The following TRAM1 variants were observed in gnomAD, a reference collection of about 807,000 sequenced individuals.
TRAM1 encodes the protein translocating chain-associated membrane protein 1.
Under a neutral mutation model 48.7 loss-of-function variants are expected in TRAM1, and 17 were observed. The ratio of observed to expected loss-of-function variants is 0.35; its 90% CI spans 0.24 to 0.52. The LOEUF is 0.52. Ranked by LOEUF, TRAM1 falls within the 20% of genes least tolerant of loss-of-function variation. The pLI is 0.94. For synonymous variants in TRAM1, 182 were observed against 154.0 expected, an observed-to-expected ratio of 1.18 and a Z score of -1.34; for missense variants, 351 against 441.5, an observed-to-expected ratio of 0.79 and a Z score of 1.84.
intron 10 of TRAM1, among the ~76,000 whole-genome samples, chr8:70,578,867 C>T (rs112076584): frequency 0.012 from 1,888 of 152,286 alleles, 24 homozygotes; most frequent in Non-Finnish European, 0.02. Context: ...AAAGGGAATT[C>T]AGCGAAAGTG....
chr8:70,583,350 T>C, intron 9 of TRAM1, 26 bp from the exon 10 acceptor site: 1 of 1,603,766 alleles, frequency 6.2e-7, no homozygotes, highest in Non-Finnish European at 8.5e-7. Context: ...ACATAAAAAG[T>C]TAGTGTATAA....
At chr8:70,596,404 AT>A in intron 4 of TRAM1, 83 bp from the exon 5 acceptor site, 1 of 1,048,678 alleles carries the variant, frequency 9.5e-7, no homozygotes, top group Non-Finnish European at 1.4e-6. Context: ...TTTCTCAAAC[AT>A]TTACAGGTCC....
At chr8:70,588,935 C>T (rs943704919) in intron 6 of TRAM1, among the ~76,000 whole-genome samples, 12 of 152,212 alleles carry the variant, frequency 7.9e-5, no homozygotes, top group Admixed American at 7.8e-4. Context: ...GCAGGCTGAA[C>T]TGTGTTCCTC....
chr8:70,573,435 A>C lies in TRAM1; in HGVS notation c.*1497T>G, dbSNP rs947896635. On this transcript the variant is annotated 3_prime_UTR_variant, in exon 11 of 11. Transcript: ENST00000262213. ...ACCAACAATGACAGAAACATCCAGG[A>C]TACAACTTGTGAAAGTAAAAATTTT... is the stretch of plus-strand genomic sequence containing the variant. 3 of 152,662 alleles carry C rather than the reference A, an allele frequency of 2.0e-5. No individual in the cohort carries two copies. The highest frequency in any genetic ancestry group is 4.4e-5 in the Non-Finnish European group (3 of 68,042). The allele number at this position is 152,662 out of a possible 1,614,324, so 9.5% of individuals were successfully genotyped here. A position where few individuals can be genotyped will look rare whatever the true frequency, so the allele number is the denominator to read the frequency against.
intron 8 of TRAM1, among the ~76,000 whole-genome samples, chr8:70,584,753 C>A (rs1400483771): frequency 1.3e-5 from 2 of 152,018 alleles, no homozygotes; most frequent in African/African-American, 4.8e-5. Flanking sequence ...AGGAGAACTA[C>A]AAACCACTGC....
chr8:70,606,935 CATCTT>C (rs140141023), intron 1 of TRAM1: 84,938 of 981,694 alleles, frequency 0.087, 4,203 homozygotes, highest in Non-Finnish European at 0.097. Flanking sequence ...TAACGTCGCT[CATCTT>C]TTTTTAAGCA....
At chr8:70,597,618 C>A (rs1412552433) in intron 4 of TRAM1, among the ~76,000 whole-genome samples, 3 of 124,226 alleles carry the variant, frequency 2.4e-5, no homozygotes, top group Admixed American at 1.0e-4. Context: ...TGCAGTGAGC[C>A]GAGATCATGC....
chr8:70,607,536 G>A (rs1817768236), intron 1 of TRAM1: 1 of 971,856 alleles, frequency 1.0e-6, no homozygotes, highest in Non-Finnish European at 1.2e-6. Flanking sequence ...CCCAATCTCG[G>A]AGCTACCGGG....
intron 6 of TRAM1, among the ~76,000 whole-genome samples, chr8:70,588,965 T>C (rs1390961749): frequency 6.6e-6 from 1 of 152,216 alleles, no homozygotes; most frequent in African/African-American, 2.4e-5. Flanking sequence ...ACTAAACTTA[T>C]CTCTTGCATT....
At chr8:70,585,129 A>G (rs1454422748) in intron 8 of TRAM1, among the ~76,000 whole-genome samples, 2 of 152,238 alleles carry the variant, frequency 1.3e-5, no homozygotes, top group African/African-American at 4.8e-5. Flanking sequence ...AATGCTGCAT[A>G]TCTACAACCA....
At chr8:70,576,037 C>T (rs1027684990) in intron 10 of TRAM1, among the ~76,000 whole-genome samples, 7 of 144,542 alleles carry the variant, frequency 4.8e-5, no homozygotes, top group Admixed American at 3.5e-4. Flanking sequence ...CGCCACTGCA[C>T]TCCAGCGTGG....
rs559537570 is a variant in TRAM1 at position 70,588,401 on chromosome 8, C to CAG, written c.571-1227_571-1226dup. 5.3e-5 allele frequency among the ~76,000 whole-genome samples: 8 copies of CAG among 152,160 alleles called. No individual in the cohort carries two copies. In the South Asian group the frequency reaches 1.7e-3, roughly 32 times the overall value. On this transcript the variant is annotated intron_variant, in intron 6 of 10. Transcript: ENST00000262213. ...AGGCGTTTGAGTCTAGCCTGGGCAACAGAGAGAGACCCCATCTCTACAAAA... is the reference window on the plus strand; with the variant it reads ...AGGCGTTTGAGTCTAGCCTGGGCAACAGAGAGAGAGACCCCATCTCTACAAAA...
At chr8:70,604,550 A>G (rs1817679377) in intron 1 of TRAM1, among the ~76,000 whole-genome samples, 1 of 152,148 alleles carries the variant, frequency 6.6e-6, no homozygotes, top group Non-Finnish European at 1.5e-5. Flanking sequence ...GTAGTTCACA[A>G]GTGTGATGAT....
At position 70,590,202 on chromosome 8, in the gene TRAM1, ATT is replaced by A. The variant is rs565882371; in HGVS notation, c.571-3028_571-3027del. 1.4e-3 allele frequency among the ~76,000 whole-genome samples: 197 copies of A among 145,510 alleles called. 1 individual carries two copies. The highest frequency in any genetic ancestry group is 4.6e-3 in the African/African-American group (182 of 39,986). On this transcript the variant is annotated intron_variant, in intron 6 of 10. Transcript: ENST00000262213. ...TAATGTAATGTAACTACTTAGGAGG[ATT>A]TTTTTTTTTTTAATTTAAAAGAAAT...
chr8:70,603,353 C>CT (rs1817650418), intron 1 of TRAM1, among the ~76,000 whole-genome samples: 1 of 151,592 alleles, frequency 6.6e-6, no homozygotes, highest in African/African-American at 2.4e-5. Context: ...TACACACAAA[C>CT]ACTCCACATC....
chr8:70,589,943 T>C (rs1817314715), intron 6 of TRAM1, among the ~76,000 whole-genome samples: 1 of 152,192 alleles, frequency 6.6e-6, no homozygotes, highest in Non-Finnish European at 1.5e-5. Context: ...TATGTGAATA[T>C]GGTAAAGCAG....
chr8:70,595,532 T>TG (rs2132039089), intron 5 of TRAM1, among the ~76,000 whole-genome samples: 1 of 152,226 alleles, frequency 6.6e-6, no homozygotes, highest in Non-Finnish European at 1.5e-5. Context: ...GACAAGCACT[T>TG]GCAATGTACC....
In TRAM1 at chr8:70,608,371, G is replaced by GA; in HGVS notation, c.-173_-172insT. 3.4e-6 allele frequency: 2 copies of GA among 581,214 alleles called. No homozygotes were observed. Among genetic ancestry groups the GA allele is most frequent in the African/African-American group, 5.0e-5 (1 of 19,848 alleles). 36.0% of individuals were successfully genotyped at this position (581,214 alleles called of 1,614,324 possible). On this transcript the variant is annotated 5_prime_UTR_variant, in exon 1 of 11. Transcript: ENST00000262213. ...AGTACGCAGCCGCCGGGCCGCCCGG[G>GA]GGAAAAAAAAAAACACAACAGCTAG...
chr8:70,583,025 A>T, intron 10 of TRAM1, 139 bp downstream of exon 10: 2 of 948,432 alleles, frequency 2.1e-6, no homozygotes, highest in Non-Finnish European at 1.5e-6. Context: ...CAGTAAGATT[A>T]CTTTGCCTCT....
Sources: gnomAD v4.1 joint callset for allele counts (sites outside exome capture counted in the v4.1 genomes callset) on GRCh38, gnomAD v4.1.1 for gene constraint, MANE v1.5 for transcripts, NCBI Gene and HGNC (gene_info 2026-07-23, HGNC 2026-07-21) for gene names.